Variants in RXRG observed in about 807,000 individuals in gnomAD.
RXRG encodes the protein retinoic acid receptor RXR-gamma.
Under a neutral mutation model 49.2 loss-of-function variants are expected in RXRG, and 19 were observed. The observed-to-expected ratio is 0.39, with a 90% CI of 0.27 to 0.57. RXRG has a LOEUF of 0.57. RXRG is among the 20% of genes least tolerant of loss of function. The pLI, the probability that RXRG is intolerant of heterozygous loss-of-function variation, is 0.64. For synonymous variants in RXRG, 224 were observed against 216.6 expected (o/e 1.03, Z -0.30); for missense variants, 452 against 592.5 (o/e 0.76, Z 2.46).
At chr1:165,437,222 G>C (rs938505941) in intron 1 of RXRG, 1 of 1,366,856 alleles carries the variant, frequency 7.3e-7, no homozygotes, top group African/African-American at 1.5e-5. Context: ...AAGAATGCCA[G>C]TCAGTCAGTC....
intron 1 of RXRG, among the ~76,000 whole-genome samples, chr1:165,430,008 G>A (rs138012445): frequency 6.6e-6 from 1 of 152,238 alleles, no homozygotes; most frequent in Non-Finnish European, 1.5e-5. Context: ...CCCCACCGTG[G>A]ATCCCATCAC....
Position 165,426,272 on chromosome 1 carries a change from C to T in RXRG, c.297+2447G>A, listed in dbSNP as rs188454974. ...AGAAACTGGGGTGAAGATTACTGGC[C>T]AAATTATACCCAGTAAAGTAGTTTA... On this transcript the variant is annotated intron_variant, in intron 2 of 9. Coordinates refer to ENST00000359842, the MANE Select transcript of RXRG (RefSeq NM_006917.5). Among the ~76,000 whole-genome samples the T allele has an allele frequency of 1.5e-3, 229 of 152,294 alleles. 1 individual carries two copies. The highest frequency in any genetic ancestry group is 5.3e-3 in the African/African-American group (220 of 41,556).
chr1:165,426,959 TCAGA>T (rs1658505613), intron 2 of RXRG, among the ~76,000 whole-genome samples: 1 of 152,148 alleles, frequency 6.6e-6, no homozygotes. Flanking sequence ...TCAAAGGTCA[TCAGA>T]CAGGAAAGTT....
chr1:165,420,146 G>A, intron 2 of RXRG, 132 bp from the exon 3 acceptor site: 1 of 647,218 alleles, frequency 1.5e-6, no homozygotes, highest in Non-Finnish European at 2.3e-6. Context: ...CAGAGTATTT[G>A]AAACTGCCTA....
intron 1 of RXRG, among the ~76,000 whole-genome samples, chr1:165,440,570 C>T (rs1329834465): frequency 6.6e-6 from 1 of 152,172 alleles, no homozygotes; most frequent in Non-Finnish European, 1.5e-5. Flanking sequence ...ATTTTAGATG[C>T]TTGGATTAGG....
intron 2 of RXRG, among the ~76,000 whole-genome samples, chr1:165,425,778 A>G (rs1350738767): frequency 6.6e-6 from 1 of 152,236 alleles, no homozygotes. Flanking sequence ...TGCTCCCTTC[A>G]GGTCTGCTCC....
chr1:165,403,670 C>T (rs1657655508), intron 9 of RXRG, among the ~76,000 whole-genome samples: 1 of 152,194 alleles, frequency 6.6e-6, no homozygotes, highest in African/African-American at 2.4e-5. Flanking sequence ...AACTCCCGGC[C>T]GTGCCTCTGC....
At position 165,410,847 on chromosome 1, in the gene RXRG, A is replaced by C; in HGVS notation, c.784-16T>G. 6.2e-7 allele frequency: 1 copy of C among 1,614,086 alleles called. No homozygotes were observed. Among genetic ancestry groups the C allele is most frequent in the Non-Finnish European group, 8.5e-7 (1 of 1,180,008 alleles). ...GGTCATTTGTCTGAAAAAGGAACAA[A>C]GTACTGTGAGGCACAGGTCCCAGGA... On this transcript the variant is annotated splice_polypyrimidine_tract_variant and intron_variant, in intron 5 of 9. Coordinates refer to ENST00000359842, the MANE Select transcript of RXRG (RefSeq NM_006917.5).
chr1:165,412,220 G>C (rs865890193), intron 4 of RXRG, among the ~76,000 whole-genome samples: 1 of 152,172 alleles, frequency 6.6e-6, no homozygotes, highest in African/African-American at 2.4e-5. Context: ...CTCAAGGTAG[G>C]TCAGAGAAGA....
chr1:165,430,191 T>A (rs1658625726), intron 1 of RXRG, among the ~76,000 whole-genome samples: 1 of 152,206 alleles, frequency 6.6e-6, no homozygotes, highest in African/African-American at 2.4e-5. Flanking sequence ...AGATGCCTAC[T>A]GTGGGTCAGA....
chr1:165,435,456 G>A (rs569531343), intron 1 of RXRG, among the ~76,000 whole-genome samples: 17 of 152,178 alleles, frequency 1.1e-4, no homozygotes, highest in Non-Finnish European at 2.2e-4. Flanking sequence ...GCAGGGCCAG[G>A]ATCCAAATCC....
chr1:165,444,087 G>A (rs1175303922), intron 1 of RXRG, among the ~76,000 whole-genome samples: 4 of 152,074 alleles, frequency 2.6e-5, no homozygotes, highest in African/African-American at 7.2e-5. Context: ...CCTAGTCTCC[G>A]GAAGCTTCTG....
intron 1 of RXRG, among the ~76,000 whole-genome samples, chr1:165,441,820 C>A (rs1042252669): frequency 3.0e-4 from 45 of 152,190 alleles, no homozygotes; most frequent in Non-Finnish European, 6.2e-4. Context: ...AGCTGGCAAA[C>A]CCTGGACTTG....
intron 1 of RXRG, among the ~76,000 whole-genome samples, chr1:165,442,259 T>C (rs993963837): frequency 1.3e-5 from 2 of 152,154 alleles, no homozygotes; most frequent in African/African-American, 4.8e-5. Context: ...TCACAGAAAG[T>C]TCTCAAACAG....
intron 3 of RXRG, 136 bp downstream of exon 3, chr1:165,419,734 T>C: frequency 1.7e-6 from 1 of 601,712 alleles, no homozygotes; most frequent in Admixed American, 3.6e-5. Context: ...CCCAGTGACA[T>C]AAACGTATAG....
chr1:165,424,977 A>C, intron 2 of RXRG: 1 of 985,208 alleles, frequency 1.0e-6, no homozygotes, highest in Non-Finnish European at 1.2e-6. Flanking sequence ...TCAGGGTCTC[A>C]GGCTGCTGAG....
chr1:165,414,180 T>C (rs1658050609), intron 4 of RXRG, among the ~76,000 whole-genome samples: 1 of 152,210 alleles, frequency 6.6e-6, no homozygotes, highest in Non-Finnish European at 1.5e-5. Context: ...GGTGCCAATC[T>C]CTTCAGAAAG....
At chr1:165,407,014 C>G in intron 8 of RXRG, 97 bp from the exon 9 acceptor site, 2 of 792,572 alleles carry the variant, frequency 2.5e-6, no homozygotes, top group Non-Finnish European at 2.1e-6. Context: ...ACTAGAGACA[C>G]CCTGGATGGG....
At chr1:165,404,852 C>T (rs987512539) in intron 9 of RXRG, among the ~76,000 whole-genome samples, 1 of 152,028 alleles carries the variant, frequency 6.6e-6, no homozygotes, top group African/African-American at 2.4e-5. Flanking sequence ...TCCACCTCCC[C>T]GGTTCAAGCG....
Sources: allele counts gnomAD v4.1 joint callset (sites outside exome capture counted in the v4.1 genomes callset), GRCh38; gene constraint gnomAD v4.1.1; transcripts MANE v1.5; gene names NCBI Gene and HGNC (gene_info 2026-07-23, HGNC 2026-07-21).